The following NDRG4 variants were observed in gnomAD, a reference collection of about 807,000 sequenced individuals.
The protein encoded by NDRG4 is protein NDRG4.
Under a neutral mutation model 55.8 loss-of-function variants are expected in NDRG4, and 38 were observed. That is an observed-to-expected ratio of 0.68 (90% confidence interval 0.53 to 0.89). NDRG4 has a LOEUF of 0.89. Among genes scored for constraint, NDRG4 ranks in the 40% least tolerant of loss-of-function variants. The pLI is 0.00. For synonymous variants in NDRG4, 190 were observed against 182.7 expected (o/e 1.04, Z -0.32); for missense variants, 455 against 468.6 (o/e 0.97, Z 0.27).
chr16:58,488,862 G>A (rs1212129272), intron 2 of NDRG4, among the ~76,000 whole-genome samples: 1 of 152,124 alleles, frequency 6.6e-6, no homozygotes, highest in Admixed American at 6.5e-5. Context: ...GCCCTGGTGG[G>A]GTGGTGACTG....
intron 1 of NDRG4, among the ~76,000 whole-genome samples, chr16:58,487,397 G>T (rs6499958): frequency 0.72 from 109,256 of 151,356 alleles, 39,551 homozygotes; most frequent in South Asian, 0.8. Context: ...GTGTGCACCT[G>T]TAATCCCAGC....
chr16:58,511,910 T>C lies in NDRG4; in HGVS notation c.*334T>C. ...TCCTGGGTGAGCCCTTGGGCAGGCA[T>C]GTTTGGAGATGAGAGAGGCTTCGAG... On this transcript the variant is annotated 3_prime_UTR_variant, in exon 15 of 15. Coordinates refer to ENST00000570248, the MANE Select transcript of NDRG4 (RefSeq NM_001242835.2). The C allele has an allele frequency of 2.2e-6, 1 of 449,182 alleles. No homozygotes were observed. Among genetic ancestry groups the C allele is most frequent in the South Asian group, 1.8e-5 (1 of 56,704 alleles). The allele number at this position is 449,182 out of a possible 1,614,324, so 27.8% of individuals were successfully genotyped here.
At chr16:58,511,387 G>A (rs377654960) in intron 14 of NDRG4, 35 bp from the exon 15 acceptor site, 190 of 1,559,762 alleles carry the variant, frequency 1.2e-4, no homozygotes, top group South Asian at 4.0e-4. Flanking sequence ...GGCCCTGCCC[G>A]CCAGTCCTCA....
chr16:58,493,314 G>GC, intron 2 of NDRG4, among the ~76,000 whole-genome samples: 1 of 152,316 alleles, frequency 6.6e-6, no homozygotes, highest in African/African-American at 2.4e-5. Context: ...TATCACGCAA[G>GC]CTGGAGTGCA....
chr16:58,510,602 T>C lies in NDRG4; in HGVS notation c.866-43T>C, dbSNP rs749372774. The C allele has an allele frequency of 1.2e-4, 188 of 1,511,372 alleles. 1 individual carries two copies. Among genetic ancestry groups the C allele is most frequent in the Non-Finnish European group, 1.0e-4 (116 of 1,124,500 alleles). The allele number at this position is 1,511,372 out of a possible 1,614,324, so 93.6% of individuals were successfully genotyped here. A position where few individuals can be genotyped will look rare whatever the true frequency, so the allele number is the denominator to read the frequency against. ...ACCACGCTCTTCACTGTGTTGTGTC[T>C]CCCCCATCCCCGCCCCCTCTCCGGC... On this transcript the variant is annotated intron_variant, in intron 13 of 14. Coordinates refer to ENST00000570248, the MANE Select transcript of NDRG4 (RefSeq NM_001242835.2).
intron 1 of NDRG4, chr16:58,500,782 G>C (rs1027526604): frequency 4.8e-6 from 2 of 416,872 alleles, no homozygotes; most frequent in East Asian, 3.6e-5. Context: ...GTGGGCGGCC[G>C]TCTAGCTTGT....
At chr16:58,502,115 G>T in intron 1 of NDRG4, 1 of 428,078 alleles carries the variant, frequency 2.3e-6, no homozygotes, top group Non-Finnish European at 4.9e-6. Context: ...CACCTGGCAG[G>T]GCCTGCCCTC....
chr16:58,504,759 G>A (rs1023298938), intron 5 of NDRG4, 110 bp downstream of exon 5: 12 of 1,097,064 alleles, frequency 1.1e-5, no homozygotes, highest in South Asian at 3.9e-5. Flanking sequence ...CCCTGCTCTC[G>A]CTTCTCCTCC....
At chr16:58,482,612 T>C (rs183374708) in intron 1 of NDRG4, among the ~76,000 whole-genome samples, 20 of 151,856 alleles carry the variant, frequency 1.3e-4, no homozygotes, top group South Asian at 6.2e-4. Flanking sequence ...TCATTTTTTT[T>C]CTCCTCTTCT....
chr16:58,499,891 T>C, upstream of NDRG4: 1 of 426,434 alleles, frequency 2.3e-6, no homozygotes, highest in Non-Finnish European at 4.4e-6. Flanking sequence ...GGCGTGTGCC[T>C]ATGTGCTGGG....
intron 1 of NDRG4, among the ~76,000 whole-genome samples, chr16:58,474,028 CTTTTTTTTTT>C (rs1168834628): frequency 6.9e-5 from 7 of 101,206 alleles, no homozygotes; most frequent in African/African-American, 2.1e-4. Context: ...TTTTCTTTCC[CTTTTTTTTTT>C]TTTTTTTTTT....
Position 58,464,309 on chromosome 16 carries a change from T to G in NDRG4, c.-24+512T>G, listed in dbSNP as rs1453828256. ...AGCGCTCCTGGCTGTGAGCTGCTCCTGCCGCTTCGCTCCGCGCTCTCCTGC... is the reference window on the plus strand; with the variant it reads ...AGCGCTCCTGGCTGTGAGCTGCTCCGGCCGCTTCGCTCCGCGCTCTCCTGC... On this transcript the variant is annotated intron_variant, in intron 1 of 15. Coordinates refer to the NDRG4 transcript ENST00000258187. The surrounding 1 kb of genome is among the most constrained non-coding windows in gnomAD (Gnocchi z 4.8). 6.0e-6 allele frequency: 5 copies of G among 832,656 alleles called. No homozygotes were observed. In the South Asian group the frequency reaches 1.2e-4, roughly 20 times the overall value. 51.6% of individuals were successfully genotyped at this position (832,656 alleles called of 1,614,324 possible).
In NDRG4 at chr16:58,487,827, C is replaced by T. The variant is rs1242051428; in HGVS notation, c.49C>T (p.Arg17Trp). ...ATTCCCTGAGGAGAAGCCGCTGCTCCGGGGCCAGGACGCCACCGAGCTGGT... is the reference window on the plus strand; with the variant it reads ...ATTCCCTGAGGAGAAGCCGCTGCTCTGGGGCCAGGACGCCACCGAGCTGGT... The change falls in exon 2 of 16, where the codon CGG (arginine) becomes TGG (tryptophan). Residue 17 changes from arginine (R) to tryptophan (W), a missense_variant. Physicochemically the swap from Arg to Trp is moderately radical, Grantham distance 101 (BLOSUM62 -3). Coordinates refer to the NDRG4 transcript ENST00000258187. The T allele has an allele frequency of 3.2e-6, 5 of 1,542,094 alleles. No individual in the cohort carries two copies. The African/African-American group carries it at 5.5e-5, about 17-fold the overall frequency.
intron 1 of NDRG4, among the ~76,000 whole-genome samples, chr16:58,466,688 C>G (rs866900740): frequency 6.6e-6 from 1 of 152,370 alleles, no homozygotes. Flanking sequence ...TCTTCACAGA[C>G]TTCCCTCTCT....
At chr16:58,509,220 C>CT in intron 12 of NDRG4, 31 bp downstream of exon 12, 1 of 1,613,948 alleles carries the variant, frequency 6.2e-7, no homozygotes, top group Non-Finnish European at 8.5e-7. Context: ...GCCCTTACAT[C>CT]TATGGGGAGG....
rs756484136 is a variant in NDRG4, at chr16:58,506,643, G to A, written c.516+29G>A. 12 of 1,545,856 alleles carry A rather than the reference G, an allele frequency of 7.8e-6. No homozygotes were observed. The South Asian group carries it at 1.4e-4, about 19-fold the overall frequency. ...AGGGGGGGAACTTCTGCAGATCTGG[G>A]GTGATCTGGGATTTGCCCCTCCCAG... On this transcript the variant is annotated intron_variant, in intron 7 of 14. Coordinates refer to ENST00000570248, the MANE Select transcript of NDRG4 (RefSeq NM_001242835.2).
At chr16:58,474,029 T>A (rs1211329431) in intron 1 of NDRG4, among the ~76,000 whole-genome samples, 38 of 45,800 alleles carry the variant, frequency 8.3e-4, no homozygotes, top group Admixed American at 2.5e-3. Context: ...TTTCTTTCCC[T>A]TTTTTTTTTT....
intron 1 of NDRG4, 30 bp from the exon 2 acceptor site, chr16:58,503,768 A>G (rs746816186): frequency 1.2e-6 from 2 of 1,613,290 alleles, no homozygotes; most frequent in Non-Finnish European, 1.7e-6. Flanking sequence ...GAGGCTGCCC[A>G]GAGTGTCCAG....
intron 1 of NDRG4, among the ~76,000 whole-genome samples, chr16:58,481,470 G>A (rs1190120142): frequency 4.6e-5 from 7 of 152,070 alleles, no homozygotes; most frequent in East Asian, 3.9e-4. Flanking sequence ...GTGTGTGTGC[G>A]CGCGCATGCA....
Sources: allele counts gnomAD v4.1 joint callset (sites outside exome capture counted in the v4.1 genomes callset), GRCh38; gene constraint gnomAD v4.1.1; non-coding constraint Gnocchi (gnomAD v3.1); transcripts MANE v1.5; gene names NCBI Gene and HGNC (gene_info 2026-07-23, HGNC 2026-07-21).